Variants in GTF3C1 observed in about 807,000 individuals in gnomAD.
GTF3C1 encodes the protein general transcription factor 3C polypeptide 1.
A neutral mutation model predicts 226.7 loss-of-function variants in GTF3C1; 57 were observed. That is an observed-to-expected ratio of 0.25 (90% CI 0.20 to 0.31). GTF3C1 has a LOEUF of 0.31. Among genes scored for constraint, GTF3C1 ranks in the 10% least tolerant of loss-of-function variants. GTF3C1 has a pLI of 1.00. For synonymous variants in GTF3C1, 1,090 were observed against 1,084.8 expected (o/e 1.00, Z -0.09); for missense variants, 2,217 against 2,776.1 (o/e 0.80, Z 4.53).
intron 5 of GTF3C1, among the ~76,000 whole-genome samples, chr16:27,532,083 G>A (rs1240456840): frequency 6.6e-6 from 1 of 152,224 alleles, no homozygotes; most frequent in Non-Finnish European, 1.5e-5. Flanking sequence ...GATGTCAGGA[G>A]AGACGGCAGG....
intron 6 of GTF3C1, among the ~76,000 whole-genome samples, chr16:27,526,235 G>A (rs1170388890): frequency 6.6e-6 from 1 of 152,192 alleles, no homozygotes; most frequent in Non-Finnish European, 1.5e-5. Context: ...GGTTCTAGGA[G>A]CCCACGTTCC....
chr16:27,547,263 T>C (rs1215682599), intron 1 of GTF3C1, among the ~76,000 whole-genome samples: 2 of 152,208 alleles, frequency 1.3e-5, no homozygotes, highest in Non-Finnish European at 2.9e-5. Context: ...GCTGCTTTAA[T>C]TACCAGCTGC....
intron 6 of GTF3C1, among the ~76,000 whole-genome samples, chr16:27,512,396 A>C (rs2088587416): frequency 6.6e-6 from 1 of 152,242 alleles, no homozygotes; most frequent in Non-Finnish European, 1.5e-5. Flanking sequence ...TAACCCTTCT[A>C]GAGCATTTCA....
intron 19 of GTF3C1, among the ~76,000 whole-genome samples, chr16:27,490,024 G>A (rs1404907272): frequency 2.6e-5 from 4 of 152,234 alleles, no homozygotes; most frequent in Non-Finnish European, 4.4e-5. Flanking sequence ...CAAGGCAGTC[G>A]AGAGAGCCCG....
At chr16:27,508,381 C>T (rs757455133) in intron 8 of GTF3C1, among the ~76,000 whole-genome samples, 159 bp downstream of exon 8, 1 of 152,244 alleles carries the variant, frequency 6.6e-6, no homozygotes, top group African/African-American at 2.4e-5. Flanking sequence ...GAAGGCGAGA[C>T]ATAACATGGC....
Position 27,461,362 on chromosome 16 carries a change from C to G in GTF3C1, c.6318G>C (p.Trp2106Cys). 1 of 1,608,496 alleles carries G rather than the reference C, an allele frequency of 6.2e-7. No individual in the cohort carries two copies. Among genetic ancestry groups the G allele is most frequent in the South Asian group, 1.1e-5 (1 of 90,916 alleles). Residue 2106 changes from tryptophan (W) to cysteine (C), a missense_variant, in exon 37 of 37, where the codon TGG becomes TGC. By Grantham distance (215) the Trp-to-Cys change is radical (BLOSUM62 -2). Coordinates refer to ENST00000356183, the MANE Select transcript of GTF3C1 (RefSeq NM_001520.4). This position sits in a 1 kb window ranked among gnomAD's most constrained non-coding sequence, Gnocchi z 5.3. The part of the protein sequence containing the change: ...VFPHEVNWNK[W>C]IHL ...GCCCACAGGGGTCCTAGAGGTGGATCCACTTGTTCCAGTTGACCTCGTGGG... is the reference window on the plus strand; with the variant it reads ...GCCCACAGGGGTCCTAGAGGTGGATGCACTTGTTCCAGTTGACCTCGTGGG...
rs748841234 is a variant in GTF3C1 at position 27,481,127 on chromosome 16, C to T, written c.4148G>A (p.Arg1383Lys). ...KLKEKFSSAL[R>K]NSNLEIPDTL... ...GTCTGGGATTTCAAGGTTAGAATTC[C>T]TTAGGGCTGAACTGAACTTTTCTTT... Residue 1383 changes from arginine to lysine, a missense_variant, in exon 27 of 37, where the codon AGG (arginine) becomes AAG (lysine). By Grantham distance (26) the Arg-to-Lys change is conservative. This residue lies in a region of GTF3C1 where 546 missense variants were observed against 663.0 expected (regional missense o/e 0.82). Coordinates refer to ENST00000356183, the MANE Select transcript of GTF3C1 (RefSeq NM_001520.4). 1 of 1,614,228 alleles carries T rather than the reference C, an allele frequency of 6.2e-7. No homozygotes were observed. Among genetic ancestry groups the T allele is most frequent in the Middle Eastern group, 1.6e-4 (1 of 6,062 alleles).
At chr16:27,534,617 G>C (rs1246847096) in intron 4 of GTF3C1, among the ~76,000 whole-genome samples, 1 of 152,244 alleles carries the variant, frequency 6.6e-6, no homozygotes, top group Non-Finnish European at 1.5e-5. Context: ...TGGAAATACA[G>C]ATCTTGACTT....
intron 12 of GTF3C1, among the ~76,000 whole-genome samples, chr16:27,499,076 G>T (rs2088365461): frequency 6.6e-6 from 1 of 152,158 alleles, no homozygotes; most frequent in South Asian, 2.1e-4. Flanking sequence ...GCTGCTCCGT[G>T]CCCCCTTCCC....
At chr16:27,483,538 C>G in intron 25 of GTF3C1, 1 of 456,278 alleles carries the variant, frequency 2.2e-6, no homozygotes, top group Non-Finnish European at 4.4e-6. Flanking sequence ...ACTCCACTAA[C>G]CTTCACATCT....
chr16:27,505,106 T>A (rs937401385), intron 10 of GTF3C1, among the ~76,000 whole-genome samples: 1 of 152,150 alleles, frequency 6.6e-6, no homozygotes, highest in African/African-American at 2.4e-5. Flanking sequence ...AGTGTTGACA[T>A]GGTATTAGGT....
Position 27,470,095 on chromosome 16 carries a change from GC to G in GTF3C1, c.4814+12del, listed in dbSNP as rs1157078739. On this transcript the variant is annotated intron_variant, in intron 31 of 36. Coordinates refer to ENST00000356183, the MANE Select transcript of GTF3C1 (RefSeq NM_001520.4). The surrounding 1 kb of genome is among the most constrained non-coding windows in gnomAD (Gnocchi z 4.9). ...CGTGGCCAGACCTGATGCTGCGGAT[GC>G]CGGACTCTTACCTTTTGATGACCTC... 1.2e-6 allele frequency: 2 copies of G among 1,607,474 alleles called. No individual in the cohort carries two copies. Among genetic ancestry groups the G allele is most frequent in the Non-Finnish European group, 1.7e-6 (2 of 1,175,058 alleles).
chr16:27,470,584 T>C lies in GTF3C1; in HGVS notation c.4527-189A>G, dbSNP rs2087853157. On this transcript the variant is annotated intron_variant, in intron 30 of 36. Coordinates refer to ENST00000356183, the MANE Select transcript of GTF3C1 (RefSeq NM_001520.4). This position sits in a 1 kb window ranked among gnomAD's most constrained non-coding sequence, Gnocchi z 4.9. ...CCACCTAGCGGTGTTTGTGTCTCTC[T>C]TCCCCGCTTGCCTGAGTACCTTCCG... is the stretch of plus-strand genomic sequence containing the variant. 1.2e-5 allele frequency: 7 copies of C among 587,462 alleles called. No homozygotes were observed. The South Asian group carries it at 1.4e-4, about 12-fold the overall frequency. 36.4% of individuals were successfully genotyped at this position (587,462 alleles called of 1,614,324 possible).
intron 26 of GTF3C1, among the ~76,000 whole-genome samples, chr16:27,481,687 G>A (rs2141365238): frequency 6.6e-6 from 1 of 152,262 alleles, no homozygotes; most frequent in East Asian, 1.9e-4. Flanking sequence ...CAAGCTGGTT[G>A]CGTCACCCAG....
chr16:27,461,643 C>T lies in GTF3C1; in HGVS notation c.6118-81G>A. ...TTATTCTTCAAGCATTTATGGAATG[C>T]CCCCTCTGTACCAGGGAGCCACTTC... On this transcript the variant is annotated intron_variant, in intron 36 of 36. Transcript: ENST00000356183. The surrounding 1 kb of genome is among the most constrained non-coding windows in gnomAD (Gnocchi z 5.3). 4 of 1,093,958 alleles carry T rather than the reference C, an allele frequency of 3.7e-6. No individual in the cohort carries two copies. Among genetic ancestry groups the T allele is most frequent in the Non-Finnish European group, 4.1e-6 (3 of 735,244 alleles). The allele number at this position is 1,093,958 out of a possible 1,614,324, so 67.8% of individuals were successfully genotyped here. A position where few individuals can be genotyped will look rare whatever the true frequency, so the allele number is the denominator to read the frequency against.
chr16:27,531,401 G>C (rs1413638457), intron 5 of GTF3C1, among the ~76,000 whole-genome samples: 2 of 152,180 alleles, frequency 1.3e-5, no homozygotes, highest in Admixed American at 1.3e-4. Flanking sequence ...GTGGGGAAAA[G>C]CCCAGCTCAA....
rs1214741433 is a variant in GTF3C1, at chr16:27,549,895, A to G, written c.-5T>C. On this transcript the variant is annotated 5_prime_UTR_variant, in exon 1 of 37. Transcript: ENST00000356183. The stretch of plus-strand genomic sequence containing the variant: ...CAACGACTCCAGCGCGTCCATTGCT[A>G]CTTCAGTCGGCGGCGCCCGGGGCGC... 6.2e-7 allele frequency: 1 copy of G among 1,607,096 alleles called. No homozygotes were observed. The highest frequency in any genetic ancestry group is 1.7e-5 in the Admixed American group (1 of 59,824).
At position 27,486,040 on chromosome 16, in the gene GTF3C1, A is replaced by C; in HGVS notation, c.3815T>G (p.Leu1272Arg). Residue 1272 changes from leucine (L) to arginine (R), a missense_variant, in exon 24 of 37, where the codon CTG becomes CGG. Physicochemically the swap from Leu to Arg is moderately radical, Grantham distance 102 (BLOSUM62 -2). Transcript: ENST00000356183. ...RVTWSMQEDG[L>R]LVLCRIASNV... ...GCTGGCAATGCGGCACAGCACAAGC[A>C]GCCCATCCTCCTGCATAGACCAGGT... 3 of 1,612,702 alleles carry C rather than the reference A, an allele frequency of 1.9e-6. No homozygotes were observed. The highest frequency in any genetic ancestry group is 2.5e-6 in the Non-Finnish European group (3 of 1,178,934).
chr16:27,531,996 G>A (rs946222196), intron 5 of GTF3C1, among the ~76,000 whole-genome samples: 1 of 152,210 alleles, frequency 6.6e-6, no homozygotes, highest in African/African-American at 2.4e-5. Flanking sequence ...CTGCCTCCCT[G>A]CCTCATGTCG....
Sources: gnomAD v4.1 joint callset for allele counts (sites outside exome capture counted in the v4.1 genomes callset) on GRCh38, gnomAD v4.1.1 for gene constraint, gnomAD v4.1.1 regional missense constraint, Gnocchi (gnomAD v3.1) non-coding constraint, MANE v1.5 for transcripts, NCBI Gene and HGNC (gene_info 2026-07-23, HGNC 2026-07-21) for gene names.